Variants in UMAD1 observed in about 807,000 individuals in gnomAD.
UMAD1 encodes the protein UBAP1-MVB12-associated (UMA) domain containing 1.
In UMAD1, 8 loss-of-function variants were observed where a neutral mutation model predicts 6.1. That is an observed-to-expected ratio of 1.30 (90% confidence interval 0.76 to 2.35). The LOEUF is 2.35. Among genes scored for constraint, UMAD1 ranks in the 30% most tolerant of loss-of-function variants. The pLI is 0.00. For missense variants in UMAD1, 130 were observed against 78.4 expected (o/e 1.66, Z -2.49); for synonymous variants, 56 against 31.4 (o/e 1.78, Z -2.61).
At chr7:7,872,569 T>C (rs564215590) in intron 3 of UMAD1, among the ~76,000 whole-genome samples, 29 of 152,328 alleles carry the variant, frequency 1.9e-4, no homozygotes, top group African/African-American at 6.7e-4. Context: ...ATTGTGGGAA[T>C]TATAATAATG....
chr7:7,645,087 A>G (rs994316972), intron 1 of UMAD1, among the ~76,000 whole-genome samples: 2 of 152,166 alleles, frequency 1.3e-5, no homozygotes, highest in African/African-American at 4.8e-5. Flanking sequence ...TAAAGATTTT[A>G]ACTGATTGTT....
At chr7:7,757,017 C>T (rs1781792281) in intron 2 of UMAD1, among the ~76,000 whole-genome samples, 1 of 152,154 alleles carries the variant, frequency 6.6e-6, no homozygotes, top group African/African-American at 2.4e-5. Flanking sequence ...CTAATATGCT[C>T]CTTCTTTGTT....
At chr7:7,717,183 C>T (rs922665807) in intron 2 of UMAD1, among the ~76,000 whole-genome samples, 2 of 151,802 alleles carry the variant, frequency 1.3e-5, no homozygotes, top group Admixed American at 6.5e-5. Context: ...CTGCCTCCCG[C>T]GTAGCTGGGA....
At chr7:7,671,767 T>C (rs991829412) in intron 1 of UMAD1, among the ~76,000 whole-genome samples, 3 of 151,170 alleles carry the variant, frequency 2.0e-5, no homozygotes, top group Non-Finnish European at 4.4e-5. Flanking sequence ...AGAGGCCATC[T>C]CTCCTTGCTC....
intron 2 of UMAD1, among the ~76,000 whole-genome samples, chr7:7,695,714 T>G (rs1780297500): frequency 6.6e-6 from 1 of 152,220 alleles, no homozygotes; most frequent in Admixed American, 6.5e-5. Context: ...CCTCAACAAC[T>G]TGTGTCCTAT....
At chr7:7,791,436 A>G (rs1415792669) in intron 2 of UMAD1, among the ~76,000 whole-genome samples, 1 of 152,234 alleles carries the variant, frequency 6.6e-6, no homozygotes, top group African/African-American at 2.4e-5. Flanking sequence ...TATTAACAGC[A>G]GCAACAACAC....
chr7:7,855,922 C>T (rs753579091), intron 3 of UMAD1, among the ~76,000 whole-genome samples: 1 of 152,170 alleles, frequency 6.6e-6, no homozygotes, highest in African/African-American at 2.4e-5. Context: ...AGGGCAAGGA[C>T]AAAATGCTGC....
intron 2 of UMAD1, among the ~76,000 whole-genome samples, chr7:7,767,805 G>A (rs940001669): frequency 1.1e-3 from 162 of 152,332 alleles, no homozygotes; most frequent in African/African-American, 3.5e-3. Context: ...AGGTTACAAA[G>A]CTAGTGAGAG....
At chr7:7,803,023 T>G (rs1021788616) in intron 3 of UMAD1, among the ~76,000 whole-genome samples, 5 of 152,218 alleles carry the variant, frequency 3.3e-5, no homozygotes, top group African/African-American at 1.2e-4. Flanking sequence ...AACTGTGCAT[T>G]CATTCTTTCA....
chr7:7,664,469 G>C (rs12702633), intron 1 of UMAD1, among the ~76,000 whole-genome samples: 23,071 of 152,082 alleles, frequency 0.15, 2,158 homozygotes, highest in Middle Eastern at 0.23. Flanking sequence ...CTTTCCTGAC[G>C]CTTACAACTC....
intron 2 of UMAD1, among the ~76,000 whole-genome samples, chr7:7,767,764 A>C (rs1583810587): frequency 6.6e-6 from 1 of 152,206 alleles, no homozygotes; most frequent in African/African-American, 2.4e-5. Flanking sequence ...TGTATTACAT[A>C]TAAAGAAGCT....
intron 1 of UMAD1, among the ~76,000 whole-genome samples, chr7:7,657,402 A>G (rs891418970): frequency 6.6e-6 from 1 of 152,150 alleles, no homozygotes; most frequent in Non-Finnish European, 1.5e-5. Context: ...CTATGTCCTG[A>G]ATGGTATTGC....
At chr7:7,717,271 G>A (rs1490754476) in intron 2 of UMAD1, among the ~76,000 whole-genome samples, 2 of 151,998 alleles carry the variant, frequency 1.3e-5, no homozygotes, top group African/African-American at 2.4e-5. Flanking sequence ...TGGCCTGGCT[G>A]GTCTCGAACT....
Position 7,727,436 on chromosome 7 carries a change from T to C in UMAD1, c.82+53983T>C, listed in dbSNP as rs566582789. Among the ~76,000 whole-genome samples, 29 of 152,310 alleles carry C rather than the reference T, an allele frequency of 1.9e-4. 1 individual carries two copies. The South Asian group carries it at 6.0e-3, about 32-fold the overall frequency. The stretch of plus-strand genomic sequence containing the variant: ...ATTATGACCTTATTATTGTCTTTAT[T>C]TGAAAATTATATATGATCTCAGGAA... On this transcript the variant is annotated intron_variant, in intron 2 of 3. Transcript: ENST00000682710.
chr7:7,666,064 T>G (rs139714574), intron 1 of UMAD1, among the ~76,000 whole-genome samples: 178 of 152,330 alleles, frequency 1.2e-3, no homozygotes, highest in African/African-American at 3.9e-3. Context: ...TGTTTATGTT[T>G]TTAAGAAACT....
chr7:7,665,575 G>A (rs757642043), intron 1 of UMAD1, among the ~76,000 whole-genome samples: 2 of 152,174 alleles, frequency 1.3e-5, no homozygotes, highest in Non-Finnish European at 2.9e-5. Context: ...AATTTGATGA[G>A]TTTTGATGTG....
rs151154600 is a variant in UMAD1, at chr7:7,774,456, A to G, written c.83-27214A>G. ...TCCCTCACTTTCTGTTTCTTCATGT[A>G]TAGAGTGGAACCTGTTCTACATACC... On this transcript the variant is annotated intron_variant, in intron 2 of 3. Transcript: ENST00000682710. Among the ~76,000 whole-genome samples the G allele has an allele frequency of 3.9e-5, 6 of 152,280 alleles. No individual in the cohort carries two copies. In the East Asian group the frequency reaches 9.6e-4, roughly 24 times the overall value.
At chr7:7,729,081 T>G (rs1563160207) in intron 2 of UMAD1, among the ~76,000 whole-genome samples, 1 of 152,104 alleles carries the variant, frequency 6.6e-6, no homozygotes, top group Non-Finnish European at 1.5e-5. Flanking sequence ...GTGTCGGAAA[T>G]GGAAACGTGA....
intron 3 of UMAD1, among the ~76,000 whole-genome samples, chr7:7,825,904 A>AGTATAGTCTCAGGT (rs1783330799): frequency 6.6e-6 from 1 of 152,112 alleles, no homozygotes; most frequent in African/African-American, 2.4e-5. Flanking sequence ...TCAGGTATAA[A>AGTATAGTCTCAGGT]ATGGGCACAG....
Sources: gnomAD v4.1 joint callset for allele counts (sites outside exome capture counted in the v4.1 genomes callset) on GRCh38, gnomAD v4.1.1 for gene constraint, MANE v1.5 for transcripts, NCBI Gene and HGNC (gene_info 2026-07-23, HGNC 2026-07-21) for gene names.